TBC1D5: variants seen among roughly 807,000 people sequenced by gnomAD.
TBC1D5 encodes TBC1 domain family member 5.
A neutral mutation model predicts 100.3 loss-of-function variants in TBC1D5; 75 were observed. The ratio of observed to expected loss-of-function variants is 0.75; its 90% CI spans 0.62 to 0.91. The LOEUF (loss-of-function observed/expected upper bound fraction) is 0.91. Among genes scored for constraint, TBC1D5 ranks in the 40% least tolerant of loss-of-function variants. The pLI is 0.00. For synonymous variants in TBC1D5, 323 were observed against 325.6 expected (o/e 0.99, Z 0.09); for missense variants, 910 against 942.4 (o/e 0.97, Z 0.45).
chr3:17,643,713 C>G (rs2064752048), intron 1 of TBC1D5, among the ~76,000 whole-genome samples: 1 of 152,108 alleles, frequency 6.6e-6, no homozygotes, highest in Admixed American at 6.6e-5. Context: ...CCTTAACTCC[C>G]TGAATCCGAT....
At chr3:17,346,540 T>G (rs942534556) in intron 13 of TBC1D5, among the ~76,000 whole-genome samples, 1 of 152,160 alleles carries the variant, frequency 6.6e-6, no homozygotes, top group Non-Finnish European at 1.5e-5. Flanking sequence ...GTACTGTCCT[T>G]CAATTGATAA....
intron 19 of TBC1D5, among the ~76,000 whole-genome samples, chr3:17,171,326 G>A (rs1447047611): frequency 6.6e-6 from 1 of 152,148 alleles, no homozygotes; most frequent in Non-Finnish European, 1.5e-5. Context: ...TTTGGAGGGG[G>A]ATGGAGTTTA....
intron 1 of TBC1D5, among the ~76,000 whole-genome samples, chr3:17,696,842 G>A (rs2072192579): frequency 6.6e-6 from 1 of 152,186 alleles, no homozygotes; most frequent in Non-Finnish European, 1.5e-5. Flanking sequence ...GAACATTGAT[G>A]TGAAAATTCT....
intron 2 of TBC1D5, among the ~76,000 whole-genome samples, chr3:17,603,439 ACT>A (rs2061127364): frequency 6.6e-6 from 1 of 152,026 alleles, no homozygotes; most frequent in African/African-American, 2.4e-5. Context: ...GGTAAAAGAC[ACT>A]CTCACCAGTG....
At chr3:17,255,855 G>A (rs889664356) in intron 16 of TBC1D5, among the ~76,000 whole-genome samples, 18 of 152,038 alleles carry the variant, frequency 1.2e-4, no homozygotes, top group South Asian at 2.1e-4. Context: ...TGGCTAACAC[G>A]GTGAAACCCC....
At chr3:17,325,193 A>G (rs1192351107) in intron 13 of TBC1D5, among the ~76,000 whole-genome samples, 1 of 152,180 alleles carries the variant, frequency 6.6e-6, no homozygotes, top group Non-Finnish European at 1.5e-5. Flanking sequence ...CAAAACTGAA[A>G]AAACCCACAG....
At chr3:17,488,934 G>C (rs941989516) in intron 3 of TBC1D5, among the ~76,000 whole-genome samples, 7 of 149,572 alleles carry the variant, frequency 4.7e-5, no homozygotes, top group African/African-American at 1.2e-4. Flanking sequence ...GAGGGATCTA[G>C]GATGCATGCT....
chr3:17,645,742 A>G (rs999056866), intron 1 of TBC1D5, among the ~76,000 whole-genome samples: 4 of 152,034 alleles, frequency 2.6e-5, no homozygotes, highest in Admixed American at 1.3e-4. Context: ...TCTACTACCA[A>G]CTACAACTCC....
intron 15 of TBC1D5, among the ~76,000 whole-genome samples, chr3:17,267,482 A>G (rs979134674): frequency 6.6e-6 from 1 of 152,168 alleles, no homozygotes; most frequent in Non-Finnish European, 1.5e-5. Flanking sequence ...TGTTAAAGAA[A>G]AAAAGGAAAA....
chr3:17,443,560 A>T (rs887311455), intron 3 of TBC1D5, among the ~76,000 whole-genome samples: 1 of 152,186 alleles, frequency 6.6e-6, no homozygotes, highest in Admixed American at 6.5e-5. Flanking sequence ...GCAACTTGGA[A>T]ATGTTTCTTA....
chr3:17,162,355 A>G (rs1414063616), intron 21 of TBC1D5, among the ~76,000 whole-genome samples: 1 of 152,226 alleles, frequency 6.6e-6, no homozygotes, highest in Non-Finnish European at 1.5e-5. Context: ...GGAATGAGTA[A>G]CAGCTCTCAG....
At chr3:17,212,565 A>G (rs1292563979) in intron 18 of TBC1D5, among the ~76,000 whole-genome samples, 1 of 152,132 alleles carries the variant, frequency 6.6e-6, no homozygotes, top group Non-Finnish European at 1.5e-5. Context: ...GTATTCCAGA[A>G]GAAGGCATTG....
At chr3:17,450,255 G>A (rs1318771796) in intron 3 of TBC1D5, among the ~76,000 whole-genome samples, 1 of 152,138 alleles carries the variant, frequency 6.6e-6, no homozygotes, top group Non-Finnish European at 1.5e-5. Context: ...ATAAAAGGTA[G>A]ATAAATCCAC....
intron 1 of TBC1D5, among the ~76,000 whole-genome samples, chr3:17,734,999 G>A (rs1457764443): frequency 6.6e-6 from 1 of 151,976 alleles, no homozygotes; most frequent in Non-Finnish European, 1.5e-5. Context: ...AGGCCGAGGT[G>A]GAAGGATCAC....
chr3:17,441,963 T>G (rs2094668743), intron 3 of TBC1D5, among the ~76,000 whole-genome samples: 1 of 151,452 alleles, frequency 6.6e-6, no homozygotes, highest in Non-Finnish European at 1.5e-5. Flanking sequence ...CTGACAACAA[T>G]TTAGTACTCT....
At chr3:17,453,600 C>T (rs1302353737) in intron 3 of TBC1D5, among the ~76,000 whole-genome samples, 1 of 152,040 alleles carries the variant, frequency 6.6e-6, no homozygotes, top group South Asian at 2.1e-4. Flanking sequence ...AAGATCAAAC[C>T]ATGAAGAAAT....
At chr3:17,664,062 CTGTT>C (rs549096896) in intron 1 of TBC1D5, among the ~76,000 whole-genome samples, 34 of 152,042 alleles carry the variant, frequency 2.2e-4, no homozygotes, top group South Asian at 4.2e-4. Context: ...TTTCTGTTTT[CTGTT>C]TGTTTGTTTG....
At chr3:17,240,577 G>GA (rs2076226138) in intron 16 of TBC1D5, among the ~76,000 whole-genome samples, 1 of 152,046 alleles carries the variant, frequency 6.6e-6, no homozygotes. Flanking sequence ...TGAATGAAAT[G>GA]AAAAAACTCA....
chr3:17,450,068 C>T (rs573814048), intron 3 of TBC1D5, among the ~76,000 whole-genome samples: 41 of 152,210 alleles, frequency 2.7e-4, no homozygotes, highest in African/African-American at 8.4e-4. Context: ...CTGGAGCCTC[C>T]GCTGGTGATA....
Sources: allele counts gnomAD v4.1 joint callset (sites outside exome capture counted in the v4.1 genomes callset), GRCh38; gene constraint gnomAD v4.1.1; transcripts MANE v1.5; gene names NCBI Gene and HGNC (gene_info 2026-07-23, HGNC 2026-07-21).